PLA2G4E: variants seen among roughly 807,000 people sequenced by gnomAD.
The protein encoded by PLA2G4E is phospholipase A2 group IVE.
PLA2G4E carries 84 observed loss-of-function variants against 109.1 expected under a neutral mutation model. The observed-to-expected ratio is 0.77, with a 90% CI of 0.65 to 0.92. The LOEUF is 0.92. Among genes scored for constraint, PLA2G4E ranks in the 40% least tolerant of loss-of-function variants. The pLI is 0.00. For synonymous variants in PLA2G4E, 469 were observed against 436.1 expected (o/e 1.08, Z -0.94); for missense variants, 1,057 against 1,076.6 (o/e 0.98, Z 0.25).
intron 1 of PLA2G4E, among the ~76,000 whole-genome samples, chr15:42,041,393 A>T (rs72727709): frequency 0.096 from 14,607 of 152,184 alleles, 771 homozygotes; most frequent in African/African-American, 0.15. Context: ...TATCCATGGC[A>T]TCTAGGCGTT....
chr15:42,001,869 T>C (rs7182959), intron 6 of PLA2G4E, among the ~76,000 whole-genome samples: 2,403 of 147,980 alleles, frequency 0.016, 71 homozygotes, highest in African/African-American at 0.062. Flanking sequence ...TTTTTGTATT[T>C]TTTTGTAGGG....
At chr15:42,011,003 A>T (rs1021058857) in intron 2 of PLA2G4E, among the ~76,000 whole-genome samples, 1 of 152,248 alleles carries the variant, frequency 6.6e-6, no homozygotes, top group African/African-American at 2.4e-5. Context: ...AGACATCGGG[A>T]TAGTCTTAAT....
At chr15:42,048,304 A>C (rs1436794677) in intron 1 of PLA2G4E, among the ~76,000 whole-genome samples, 3 of 152,194 alleles carry the variant, frequency 2.0e-5, no homozygotes, top group Non-Finnish European at 4.4e-5. Context: ...AAAATGATGA[A>C]ATTGCCTAAT....
intron 4 of PLA2G4E, 25 bp from the exon 5 acceptor site, chr15:42,005,003 G>T: frequency 6.2e-7 from 1 of 1,610,666 alleles, no homozygotes; most frequent in Non-Finnish European, 8.5e-7. Context: ...AGGGAAGGCA[G>T]CTGTGAGTGG....
intron 1 of PLA2G4E, among the ~76,000 whole-genome samples, chr15:42,023,912 C>T (rs2068670604): frequency 6.6e-6 from 1 of 152,184 alleles, no homozygotes; most frequent in South Asian, 2.1e-4. Context: ...CCCCCACATC[C>T]TCTGTGGTGC....
chr15:42,035,904 T>C (rs1956746898), intron 1 of PLA2G4E, among the ~76,000 whole-genome samples: 1 of 152,244 alleles, frequency 6.6e-6, no homozygotes, highest in South Asian at 2.1e-4. Flanking sequence ...TACCTATGTG[T>C]GTGTTCCTGA....
intron 17 of PLA2G4E, 130 bp from the exon 18 acceptor site, chr15:41,986,135 T>G: frequency 1.1e-6 from 1 of 887,308 alleles, no homozygotes; most frequent in Non-Finnish European, 1.7e-6. Context: ...GCCCACTGAG[T>G]TCCAGTGCCC....
In PLA2G4E at chr15:41,986,118, C is replaced by T. The variant is rs552775901; in HGVS notation, c.2036-113G>A. On this transcript the variant is annotated intron_variant, in intron 17 of 19. Transcript: ENST00000399518. Reference sequence around the variant, plus strand: ...TGGAGCATCCTTCGCCTCAGCCTGACCAGGACGCCCACTGAGTTCCAGTGC... The same window carrying T: ...TGGAGCATCCTTCGCCTCAGCCTGATCAGGACGCCCACTGAGTTCCAGTGC... 2.7e-6 allele frequency: 3 copies of T among 1,112,564 alleles called. No individual in the cohort carries two copies. In the African/African-American group the frequency reaches 4.7e-5, roughly 17 times the overall value. 68.9% of individuals were successfully genotyped at this position (1,112,564 alleles called of 1,614,324 possible).
chr15:42,016,510 T>A (rs2068596860), intron 1 of PLA2G4E, among the ~76,000 whole-genome samples: 1 of 152,088 alleles, frequency 6.6e-6, no homozygotes, highest in South Asian at 2.1e-4. Context: ...CTAATTTTTG[T>A]ATTTTTAGTA....
intron 1 of PLA2G4E, among the ~76,000 whole-genome samples, chr15:42,032,601 C>A (rs976506345): frequency 2.6e-5 from 4 of 152,222 alleles, no homozygotes; most frequent in Admixed American, 2.0e-4. Flanking sequence ...ATATTTTCAC[C>A]ATCTCAGGTG....
chr15:42,007,958 C>T, intron 2 of PLA2G4E, 93 bp from the exon 3 acceptor site: 1 of 1,375,874 alleles, frequency 7.3e-7, no homozygotes, highest in Non-Finnish European at 1.0e-6. Context: ...CAGAGCCAGG[C>T]CCCATCTCAG....
intron 18 of PLA2G4E, among the ~76,000 whole-genome samples, chr15:41,985,140 C>T (rs1268498530): frequency 6.6e-6 from 1 of 152,208 alleles, no homozygotes; most frequent in East Asian, 1.9e-4. Context: ...CTCTCTGTGT[C>T]TTGGTTTCCT....
intron 11 of PLA2G4E, among the ~76,000 whole-genome samples, chr15:41,996,335 A>C (rs2068338032): frequency 7.8e-6 from 1 of 128,100 alleles, no homozygotes; most frequent in Non-Finnish European, 1.6e-5. Context: ...GTGACAGAGC[A>C]AGACCCTGTC....
chr15:42,041,226 G>T (rs925437676), intron 1 of PLA2G4E, among the ~76,000 whole-genome samples: 2 of 152,014 alleles, frequency 1.3e-5, no homozygotes, highest in African/African-American at 4.8e-5. Context: ...TATTTGATTT[G>T]GTATTATTCC....
exon 5 of PLA2G4E, chr15:42,004,972 C>T (rs770685042): frequency 2.5e-6 from 4 of 1,612,990 alleles, no homozygotes; most frequent in East Asian, 2.2e-5. Context: ...TCCAGCTCTT[C>T]CATGCCCTGG....
At chr15:42,039,549 A>ATG (rs1889278328) in intron 1 of PLA2G4E, among the ~76,000 whole-genome samples, 1 of 152,094 alleles carries the variant, frequency 6.6e-6, no homozygotes, top group Non-Finnish European at 1.5e-5. Flanking sequence ...ATATATATAT[A>ATG]TGAATACTTG....
intron 1 of PLA2G4E, among the ~76,000 whole-genome samples, chr15:42,016,555 T>A (rs528587027): frequency 6.6e-6 from 1 of 152,226 alleles, no homozygotes; most frequent in African/African-American, 2.4e-5. Flanking sequence ...CAGGCTGGTC[T>A]CAAACTCCTG....
chr15:42,009,500 G>T (rs1325834990), intron 2 of PLA2G4E, among the ~76,000 whole-genome samples: 1 of 152,104 alleles, frequency 6.6e-6, no homozygotes, highest in African/African-American at 2.4e-5. Context: ...CCATTCCCCA[G>T]TTCGAGATCC....
chr15:42,002,567 C>T lies in PLA2G4E; in HGVS notation c.609+87G>A, dbSNP rs562713604. On this transcript the variant is annotated intron_variant, in intron 6 of 19. Transcript: ENST00000399518. ...GGATAGGACAGAGACCAAGCTGGGC[C>T]CACTGTTTTCTCCCTTGGTCCTGTT... 73 of 1,399,490 alleles carry T rather than the reference C, an allele frequency of 5.2e-5. No individual in the cohort carries two copies. In the Admixed American group the frequency reaches 1.0e-3, roughly 20 times the overall value. The allele number at this position is 1,399,490 out of a possible 1,614,324, so 86.7% of individuals were successfully genotyped here. A position where few individuals can be genotyped will look rare whatever the true frequency, so the allele number is the denominator to read the frequency against.
Sources: allele counts gnomAD v4.1 joint callset (sites outside exome capture counted in the v4.1 genomes callset), GRCh38; gene constraint gnomAD v4.1.1; transcripts MANE v1.5; gene names NCBI Gene and HGNC (gene_info 2026-07-23, HGNC 2026-07-21).